The following TCF12 variants were observed in gnomAD, a reference collection of about 807,000 sequenced individuals.
The protein encoded by TCF12 is transcription factor 12.
TCF12 carries 45 observed loss-of-function variants against 86.0 expected under a neutral mutation model. That is an observed-to-expected ratio of 0.52 (90% CI 0.41 to 0.67). The LOEUF (loss-of-function observed/expected upper bound fraction) is 0.67. TCF12 is among the 30% of genes least tolerant of loss of function. TCF12 has a pLI of 0.00. For synonymous variants in TCF12, 330 were observed against 299.6 expected (o/e 1.10, Z -1.05); for missense variants, 881 against 859.9 (o/e 1.02, Z -0.31).
At chr15:57,264,154 T>C (rs1378844338) in intron 18 of TCF12, among the ~76,000 whole-genome samples, 1 of 146,970 alleles carries the variant, frequency 6.8e-6, no homozygotes, top group African/African-American at 2.5e-5. Context: ...ACACATTATA[T>C]AGCTATACAA....
intron 3 of TCF12, among the ~76,000 whole-genome samples, chr15:57,041,124 A>G (rs2066869624): frequency 1.3e-5 from 2 of 152,188 alleles, no homozygotes; most frequent in African/African-American, 4.8e-5. Flanking sequence ...TACTTCTTCT[A>G]CATTTGATAA....
intron 4 of TCF12, among the ~76,000 whole-genome samples, chr15:57,075,800 T>TCTCTCTCTCTCTCTCTCTCTCTCTC (rs1567370475): frequency 4.9e-5 from 1 of 20,508 alleles, no homozygotes; most frequent in Non-Finnish European, 1.1e-4. Context: ...CTTTCTTTCT[T>TCTCTCTCTCTCTCTCTCTCTCTCTC]TCTTTCTCTC....
chr15:57,025,160 G>A (rs1005930702), intron 3 of TCF12, among the ~76,000 whole-genome samples: 3 of 151,908 alleles, frequency 2.0e-5, no homozygotes, highest in Non-Finnish European at 4.4e-5. Context: ...GCTCATTGCA[G>A]CCTCTGCCTC....
At chr15:56,971,320 A>G (rs1291628545) in intron 3 of TCF12, among the ~76,000 whole-genome samples, 1 of 151,920 alleles carries the variant, frequency 6.6e-6, no homozygotes, top group Non-Finnish European at 1.5e-5. Context: ...CCCAGCTACT[A>G]GGGAGGCTGA....
chr15:57,157,633 G>A (rs750165368), intron 5 of TCF12, among the ~76,000 whole-genome samples: 2 of 151,230 alleles, frequency 1.3e-5, no homozygotes, highest in Non-Finnish European at 2.9e-5. Flanking sequence ...CTCGATCTAG[G>A]CTCACTGCAA....
rs2061991287 is a variant in TCF12 at position 57,288,128 on chromosome 15, CAAA to C, written c.*1986_*1988del. The C allele has an allele frequency of 6.6e-6, 1 of 152,484 alleles. No individual in the cohort carries two copies. Among genetic ancestry groups the C allele is most frequent in the Non-Finnish European group, 1.5e-5 (1 of 68,006 alleles). The allele number at this position is 152,484 out of a possible 1,614,324, so 9.4% of individuals were successfully genotyped here. On this transcript the variant is annotated 3_prime_UTR_variant, in exon 21 of 21. Coordinates refer to ENST00000333725, the MANE Select transcript of TCF12 (RefSeq NM_207037.2). ...ATTACTCTTTCTAGATTTTTGAAAT[CAAA>C]AAGTTTTCAGTAAAAAGTTTCTTAC...
rs76056147 is a variant in TCF12, at chr15:57,107,427, G to A, written c.325+15536G>A. ...AGATCAGTGGTTGCTAGGACTTAAG[G>A]GAGAAGGAGAGATGAATAGGAATTT... On this transcript the variant is annotated intron_variant, in intron 5 of 20. Transcript: ENST00000333725. Among the ~76,000 whole-genome samples the A allele has an allele frequency of 1.7e-3, 257 of 152,270 alleles. 1 individual carries two copies. The highest frequency in any genetic ancestry group is 6.0e-3 in the African/African-American group (248 of 41,540).
At chr15:57,151,824 A>G (rs1363609217) in intron 5 of TCF12, among the ~76,000 whole-genome samples, 1 of 152,100 alleles carries the variant, frequency 6.6e-6, no homozygotes, top group Non-Finnish European at 1.5e-5. Context: ...GAACCCTTCA[A>G]AGAGGCCCAA....
intron 5 of TCF12, among the ~76,000 whole-genome samples, chr15:57,136,036 G>C (rs1367012814): frequency 4.6e-5 from 7 of 151,364 alleles, no homozygotes; most frequent in South Asian, 4.2e-4. Flanking sequence ...CTTCCACTCT[G>C]TGTTTAGGTG....
At chr15:57,195,245 G>A in intron 7 of TCF12, among the ~76,000 whole-genome samples, 1 of 152,178 alleles carries the variant, frequency 6.6e-6, no homozygotes, top group East Asian at 1.9e-4. Context: ...GAAGTGGTCG[G>A]TGAATCCCAG....
intron 3 of TCF12, among the ~76,000 whole-genome samples, chr15:57,026,549 G>A (rs1327522276): frequency 2.6e-5 from 4 of 152,072 alleles, no homozygotes; most frequent in Non-Finnish European, 4.4e-5. Flanking sequence ...TGATTTAGTC[G>A]TTAATATTTA....
At chr15:57,033,115 T>G (rs533028427) in intron 3 of TCF12, among the ~76,000 whole-genome samples, 36 of 152,010 alleles carry the variant, frequency 2.4e-4, no homozygotes, top group South Asian at 8.3e-4. Context: ...CAATAGAAAT[T>G]TTTCAATCTG....
intron 3 of TCF12, among the ~76,000 whole-genome samples, chr15:56,984,555 A>G (rs2063086282): frequency 6.6e-6 from 1 of 152,156 alleles, no homozygotes; most frequent in South Asian, 2.1e-4. Flanking sequence ...GTACAAAATA[A>G]TGGTAAAAAA....
intron 3 of TCF12, among the ~76,000 whole-genome samples, chr15:57,027,060 G>C (rs530496091): frequency 6.6e-5 from 10 of 151,928 alleles, no homozygotes; most frequent in African/African-American, 2.4e-4. Context: ...TGAATCTGCA[G>C]ATACAGAAAC....
chr15:56,918,153 C>T (rs2059589726), upstream of TCF12: 1 of 455,040 alleles, frequency 2.2e-6, no homozygotes, highest in Non-Finnish European at 4.4e-6. Flanking sequence ...GACTGCAGCC[C>T]TCCTGGACGG....
At chr15:57,177,571 A>G (rs1203874352) in intron 6 of TCF12, among the ~76,000 whole-genome samples, 1 of 138,828 alleles carries the variant, frequency 7.2e-6, no homozygotes, top group Non-Finnish European at 1.5e-5. Context: ...GTGCCCAGTC[A>G]ATAGACACTT....
At chr15:57,070,362 A>G (rs567446797) in intron 4 of TCF12, among the ~76,000 whole-genome samples, 7 of 152,358 alleles carry the variant, frequency 4.6e-5, no homozygotes, top group Admixed American at 2.0e-4. Flanking sequence ...AAAACGGACC[A>G]TAGACCCAAC....
chr15:57,040,838 CTTTA>C (rs1375453992), intron 3 of TCF12, among the ~76,000 whole-genome samples: 1 of 152,098 alleles, frequency 6.6e-6, no homozygotes, highest in Non-Finnish European at 1.5e-5. Context: ...AGGCAACTGA[CTTTA>C]TTTGTGATTA....
intron 5 of TCF12, among the ~76,000 whole-genome samples, chr15:57,111,120 C>T (rs1452226577): frequency 6.6e-6 from 1 of 151,924 alleles, no homozygotes; most frequent in African/African-American, 2.4e-5. Context: ...ATACTCTGTT[C>T]TAGCTTTTTT....
Sources: gnomAD v4.1 joint callset for allele counts (sites outside exome capture counted in the v4.1 genomes callset) on GRCh38, gnomAD v4.1.1 for gene constraint, MANE v1.5 for transcripts, NCBI Gene and HGNC (gene_info 2026-07-23, HGNC 2026-07-21) for gene names.